Variants in PCDH15 observed in about 807,000 individuals in gnomAD.
PCDH15 encodes the protein protocadherin related 15.
PCDH15 carries 129 observed loss-of-function variants against 178.5 expected under a neutral mutation model. The ratio of observed to expected loss-of-function variants is 0.72; its 90% CI spans 0.63 to 0.84. The LOEUF (loss-of-function observed/expected upper bound fraction) is 0.84, where lower values mean the gene tolerates loss of function less well. PCDH15 is among the 40% of genes least tolerant of loss of function. The pLI is 0.00. For synonymous variants in PCDH15, 800 were observed against 732.0 expected (o/e 1.09, Z -1.50); for missense variants, 2,230 against 2,099.9 (o/e 1.06, Z -1.21).
At chr10:54,951,075 C>G (rs559244490) in intron 2 of PCDH15, among the ~76,000 whole-genome samples, 1 of 151,904 alleles carries the variant, frequency 6.6e-6, no homozygotes, top group East Asian at 1.9e-4. Context: ...GACTTATTAA[C>G]CAAAATTTGT....
At chr10:55,448,178 T>A (rs1328960942) in intron 2 of PCDH15, among the ~76,000 whole-genome samples, 2 of 151,952 alleles carry the variant, frequency 1.3e-5, no homozygotes, top group East Asian at 3.9e-4. Context: ...GACAGGGGGA[T>A]CGTAATTCCA....
At chr10:55,623,709 G>A (rs192686727) in intron 2 of PCDH15, among the ~76,000 whole-genome samples, 226 of 150,602 alleles carry the variant, frequency 1.5e-3, no homozygotes, top group African/African-American at 4.8e-3. Context: ...GAAAAGATAG[G>A]AGTGGTGGCT....
intron 15 of PCDH15, among the ~76,000 whole-genome samples, chr10:54,127,683 C>T (rs1162914502): frequency 6.6e-6 from 1 of 152,038 alleles, no homozygotes; most frequent in African/African-American, 2.4e-5. Context: ...CTTGCTTTTG[C>T]TGTAAATACA....
At chr10:54,057,934 AG>A (rs2093931926) in intron 18 of PCDH15, among the ~76,000 whole-genome samples, 1 of 152,186 alleles carries the variant, frequency 6.6e-6, no homozygotes, top group South Asian at 2.1e-4. Flanking sequence ...GCATAGCAAG[AG>A]TGACCTTAAC....
intron 9 of PCDH15, among the ~76,000 whole-genome samples, chr10:54,218,478 C>T (rs116424368): frequency 0.023 from 3,486 of 151,762 alleles, 57 homozygotes; most frequent in Middle Eastern, 0.071. Flanking sequence ...TGGGTGGGCT[C>T]TTAAATCTGA....
intron 2 of PCDH15, among the ~76,000 whole-genome samples, chr10:54,982,990 A>T (rs1047743797): frequency 4.9e-4 from 74 of 152,208 alleles, no homozygotes; most frequent in African/African-American, 1.7e-3. Flanking sequence ...GAGCTAACAT[A>T]ATGTAGAGCC....
chr10:54,130,748 C>T (rs934474723), intron 15 of PCDH15, among the ~76,000 whole-genome samples: 7 of 152,180 alleles, frequency 4.6e-5, no homozygotes, highest in Admixed American at 2.0e-4. Context: ...ATTCTGTCTT[C>T]CAAATTGAGC....
intron 2 of PCDH15, among the ~76,000 whole-genome samples, chr10:55,107,377 T>C (rs1271688476): frequency 6.6e-6 from 1 of 152,018 alleles, no homozygotes; most frequent in Non-Finnish European, 1.5e-5. Flanking sequence ...TTTTATTAGG[T>C]CATACATGAA....
intron 29 of PCDH15, among the ~76,000 whole-genome samples, chr10:53,838,013 C>T (rs1312610184): frequency 2.0e-5 from 3 of 151,336 alleles, no homozygotes; most frequent in Admixed American, 6.6e-5. Context: ...GTCTTGCTCT[C>T]TTGCCCAGGA....
chr10:55,332,343 A>G (rs754669969), intron 2 of PCDH15, among the ~76,000 whole-genome samples: 14 of 152,290 alleles, frequency 9.2e-5, no homozygotes, highest in Non-Finnish European at 1.5e-4. Context: ...CCAGATATCA[A>G]ATAAAACTAT....
chr10:54,277,599 G>C (rs2058422933), intron 8 of PCDH15, among the ~76,000 whole-genome samples: 1 of 151,592 alleles, frequency 6.6e-6, no homozygotes, highest in African/African-American at 2.4e-5. Context: ...AAGAAAAACA[G>C]TGTTGTTTAC....
At chr10:54,662,042 A>C (rs561164850) in intron 2 of PCDH15, among the ~76,000 whole-genome samples, 1 of 152,192 alleles carries the variant, frequency 6.6e-6, no homozygotes, top group East Asian at 1.9e-4. Flanking sequence ...CATAAACAAA[A>C]GTAGACAAAT....
At chr10:54,578,993 C>G (rs148881073) in intron 2 of PCDH15, among the ~76,000 whole-genome samples, 1 of 152,174 alleles carries the variant, frequency 6.6e-6, no homozygotes, top group East Asian at 1.9e-4. Flanking sequence ...GCAACCTCAG[C>G]GGAGTCCTAA....
intron 23 of PCDH15, among the ~76,000 whole-genome samples, chr10:53,942,072 C>T (rs968886171): frequency 6.6e-6 from 1 of 152,134 alleles, no homozygotes; most frequent in Non-Finnish European, 1.5e-5. Flanking sequence ...GTTTTTGGTA[C>T]TGCTGTCCAT....
intron 1 of PCDH15, among the ~76,000 whole-genome samples, chr10:54,689,979 TAAAG>T (rs1039714747): frequency 1.1e-4 from 17 of 152,262 alleles, no homozygotes; most frequent in Middle Eastern, 3.4e-3. Context: ...TTATAAGCAA[TAAAG>T]AAACTGTGGA....
chr10:53,982,770 T>C (rs1004143983), intron 21 of PCDH15, among the ~76,000 whole-genome samples: 1 of 151,568 alleles, frequency 6.6e-6, no homozygotes, highest in African/African-American at 2.4e-5. Flanking sequence ...TGTATACATA[T>C]GTAACTAACC....
intron 3 of PCDH15, among the ~76,000 whole-genome samples, chr10:54,434,894 G>GCCA (rs1262855635): frequency 6.6e-6 from 1 of 152,108 alleles, no homozygotes; most frequent in East Asian, 1.9e-4. Flanking sequence ...GTATGACTTG[G>GCCA]AGTACCAGGT....
chr10:55,601,767 T>C (rs964838904), intron 2 of PCDH15, among the ~76,000 whole-genome samples: 23 of 152,158 alleles, frequency 1.5e-4, no homozygotes, highest in Non-Finnish European at 2.6e-4. Flanking sequence ...AAAATTCATA[T>C]ACTGACTAGA....
chr10:54,997,148 G>T (rs1051267186), intron 2 of PCDH15, among the ~76,000 whole-genome samples: 2 of 151,498 alleles, frequency 1.3e-5, no homozygotes, highest in East Asian at 1.9e-4. Context: ...GGAAACTGCT[G>T]CACCCAAAAT....
Sources: allele counts gnomAD v4.1 joint callset (sites outside exome capture counted in the v4.1 genomes callset), GRCh38; gene constraint gnomAD v4.1.1; transcripts MANE v1.5; gene names NCBI Gene and HGNC (gene_info 2026-07-23, HGNC 2026-07-21).